The following NOX4 variants were observed in gnomAD, a reference collection of about 807,000 sequenced individuals.
NOX4 encodes kidney oxidase-1.
A neutral mutation model predicts 87.6 loss-of-function variants in NOX4; 69 were observed. That is an observed-to-expected ratio of 0.79 (90% CI 0.65 to 0.96). NOX4 has a LOEUF of 0.96. NOX4 is among the 40% of genes least tolerant of loss of function. The probability of loss-of-function intolerance (pLI) is 0.00; values close to 1 mark genes in which losing one functional copy is unlikely to be tolerated. For missense variants in NOX4, 680 were observed against 681.5 expected (o/e 1.00, Z 0.02); for synonymous variants, 275 against 238.2 (o/e 1.15, Z -1.42).
Position 89,358,618 on chromosome 11 carries a change from T to G in NOX4, c.1136-3575A>C, listed in dbSNP as rs1011482318. ...ATGATAACAATTATCCTTAGAAAAG[T>G]TCAAGTAAATGGAAAAATTATTTAT... On this transcript the variant is annotated intron_variant, in intron 12 of 17. Coordinates refer to ENST00000263317, the MANE Select transcript of NOX4 (RefSeq NM_016931.5). Among the ~76,000 whole-genome samples, 6 of 151,588 alleles carry G rather than the reference T, an allele frequency of 4.0e-5. No homozygotes were observed. In the East Asian group the frequency reaches 9.7e-4, roughly 24 times the overall value.
the NOX4 span, chr11:89,545,208 C>T: frequency 2.0e-5 from 3 of 152,218 alleles, no homozygotes; most frequent in South Asian, 2.1e-4. Flanking sequence ...TTATCAGATG[C>T]TAGGCATTTA....
At chr11:89,388,248 C>T (rs1300579272) in intron 11 of NOX4, among the ~76,000 whole-genome samples, 7 of 152,088 alleles carry the variant, frequency 4.6e-5, no homozygotes, top group Non-Finnish European at 8.8e-5. Context: ...CCTTCCCAAC[C>T]TCTGCCCAAC....
At chr11:89,467,349 CAAAAAAAAAAAAAAAAA>C (rs71052233) in intron 2 of NOX4, among the ~76,000 whole-genome samples, 1 of 61,424 alleles carries the variant, frequency 1.6e-5, no homozygotes, top group Non-Finnish European at 3.2e-5. Context: ...AAACTCGTCA[CAAAAAAAAAAAAAAAAA>C]AAAAAAAAAA....
chr11:89,496,010 G>A (rs546843762), upstream of NOX4, among the ~76,000 whole-genome samples: 39 of 152,244 alleles, frequency 2.6e-4, no homozygotes, highest in Middle Eastern at 3.4e-3. Flanking sequence ...TTGAGTAACC[G>A]AAAGGGACAT....
intron 6 of NOX4, among the ~76,000 whole-genome samples, chr11:89,433,613 C>A (rs1260975057): frequency 6.6e-6 from 1 of 151,928 alleles, no homozygotes; most frequent in Non-Finnish European, 1.5e-5. Context: ...AAAGTGTTTT[C>A]AAAAATCACA....
intron 4 of NOX4, among the ~76,000 whole-genome samples, chr11:89,446,340 G>A (rs1269551137): frequency 2.6e-5 from 4 of 152,008 alleles, no homozygotes; most frequent in Non-Finnish European, 5.9e-5. Flanking sequence ...CTTACCACAT[G>A]ATCTCGCACT....
the NOX4 span, among the ~76,000 whole-genome samples, chr11:89,540,100 A>G: frequency 2.0e-5 from 3 of 152,138 alleles, no homozygotes; most frequent in Non-Finnish European, 4.4e-5. Flanking sequence ...GGAACGTAAT[A>G]CCCGTGTCCT....
the NOX4 span, among the ~76,000 whole-genome samples, chr11:89,589,272 T>C: frequency 6.6e-6 from 1 of 152,148 alleles, no homozygotes. Flanking sequence ...GCAGCTTACT[T>C]GGATGTTGAT....
the NOX4 span, among the ~76,000 whole-genome samples, chr11:89,588,923 C>T: frequency 6.6e-6 from 1 of 152,108 alleles, no homozygotes; most frequent in Non-Finnish European, 1.5e-5. Flanking sequence ...TCCCGTATAT[C>T]GGTAGTATTA....
the NOX4 span, chr11:89,577,188 A>C: frequency 6.6e-6 from 1 of 152,112 alleles, no homozygotes; most frequent in South Asian, 2.1e-4. Context: ...TTAATTTTTT[A>C]CTAGCATAGA....
chr11:89,413,725 G>A (rs1242696898), intron 8 of NOX4, among the ~76,000 whole-genome samples: 2 of 152,114 alleles, frequency 1.3e-5, no homozygotes, highest in African/African-American at 4.8e-5. Context: ...AATATAATTA[G>A]ATGACTAGAG....
chr11:89,451,179 G>A (rs1051234552), intron 3 of NOX4, among the ~76,000 whole-genome samples: 13 of 151,926 alleles, frequency 8.6e-5, no homozygotes, highest in Non-Finnish European at 1.5e-4. Context: ...AAGCCTGCAT[G>A]TTGTGCACAT....
At chr11:89,390,314 C>T (rs563494872) in intron 11 of NOX4, among the ~76,000 whole-genome samples, 10 of 152,126 alleles carry the variant, frequency 6.6e-5, no homozygotes, top group Non-Finnish European at 1.0e-4. Flanking sequence ...GGGGATAGTA[C>T]AAATGAGCGA....
chr11:89,481,778 T>A (rs573505275), intron 2 of NOX4, among the ~76,000 whole-genome samples: 4 of 152,170 alleles, frequency 2.6e-5, no homozygotes, highest in Non-Finnish European at 5.9e-5. Flanking sequence ...ATGAAATTCA[T>A]CCATCAAACA....
chr11:89,489,385 G>A (rs73537331), intron 2 of NOX4, among the ~76,000 whole-genome samples: 32,301 of 151,924 alleles, frequency 0.21, 4,687 homozygotes, highest in African/African-American at 0.41. Context: ...TATTTTTTCA[G>A]GTTCCCTAAG....
In NOX4 at chr11:89,488,926, C is replaced by T. The variant is rs1006242783; in HGVS notation, c.153+1532G>A. 5 of 683,128 alleles carry T rather than the reference C, an allele frequency of 7.3e-6. No homozygotes were observed. In the Admixed American group the frequency reaches 1.1e-4, roughly 15 times the overall value. The allele number at this position is 683,128 out of a possible 1,614,324, so 42.3% of individuals were successfully genotyped here. On this transcript the variant is annotated intron_variant, in intron 2 of 17. Transcript: ENST00000263317. The stretch of plus-strand genomic sequence containing the variant: ...GGTTTTTCCATTATATTGTAAGCAA[C>T]TTGAGGGGCGAGGTGAGGTCTTACT...
chr11:89,442,245 A>G (rs950212243), intron 5 of NOX4, among the ~76,000 whole-genome samples: 32 of 151,834 alleles, frequency 2.1e-4, no homozygotes, highest in African/African-American at 7.5e-4. Context: ...CATCCCTTAG[A>G]TTGGGAAAAA....
At chr11:89,522,697 G>T in the NOX4 span, among the ~76,000 whole-genome samples, 3 of 152,134 alleles carry the variant, frequency 2.0e-5, no homozygotes, top group Non-Finnish European at 1.5e-5. Flanking sequence ...TGATTCAGAT[G>T]ATTTTATAAG....
intron 12 of NOX4, among the ~76,000 whole-genome samples, chr11:89,372,700 C>T (rs868835127): frequency 2.6e-5 from 4 of 151,970 alleles, no homozygotes; most frequent in African/African-American, 7.2e-5. Context: ...ACCAACTCCT[C>T]GTTTAGCACC....
Sources: gnomAD v4.1 joint callset for allele counts (sites outside exome capture counted in the v4.1 genomes callset) on GRCh38, gnomAD v4.1.1 for gene constraint, MANE v1.5 for transcripts, NCBI Gene and HGNC (gene_info 2026-07-23, HGNC 2026-07-21) for gene names.